DOK5: variants seen among roughly 807,000 people sequenced by gnomAD.
The protein encoded by DOK5 is docking protein 5.
A neutral mutation model predicts 43.3 loss-of-function variants in DOK5; 27 were observed. The observed-to-expected ratio is 0.62, with a 90% confidence interval of 0.46 to 0.86. The LOEUF is 0.86. Ranked by LOEUF, DOK5 falls within the 40% of genes least tolerant of loss-of-function variation. DOK5 has a pLI of 0.00. For synonymous variants in DOK5, 146 were observed against 140.1 expected, an observed-to-expected ratio of 1.04 and a Z score of -0.30; for missense variants, 373 against 392.9, an observed-to-expected ratio of 0.95 and a Z score of 0.43.
At chr20:54,633,248 T>C (rs1480733334) in intron 6 of DOK5, among the ~76,000 whole-genome samples, 1 of 152,256 alleles carries the variant, frequency 6.6e-6, no homozygotes, top group Non-Finnish European at 1.5e-5. Context: ...AGGGAGATCA[T>C]GTTTTCAAAT....
In DOK5 at chr20:54,650,835, G is replaced by A. The variant is rs1362486793; in HGVS notation, c.*356G>A. On this transcript the variant is annotated 3_prime_UTR_variant, in exon 8 of 8. Transcript: ENST00000262593. Reference sequence around the variant, plus strand: ...GATTCTTGTGATTTTCCTTCCAAGTGTTTCAGTTGTATGACAGTCAGTATT... The same window carrying A: ...GATTCTTGTGATTTTCCTTCCAAGTATTTCAGTTGTATGACAGTCAGTATT... The A allele has an allele frequency of 1.7e-5, 3 of 179,796 alleles. No homozygotes were observed. In the Admixed American group the frequency reaches 1.8e-4, roughly 11 times the overall value. The allele number at this position is 179,796 out of a possible 1,614,324, so 11.1% of individuals were successfully genotyped here. A position where few individuals can be genotyped will look rare whatever the true frequency, so the allele number is the denominator to read the frequency against.
At chr20:54,476,070 C>T (rs1218034607) in intron 1 of DOK5, 58 bp downstream of exon 1, 16 of 1,602,548 alleles carry the variant, frequency 1.0e-5, no homozygotes, top group African/African-American at 1.3e-5. Flanking sequence ...CTCTCTTGAG[C>T]CAGCATCCCT....
intron 2 of DOK5, among the ~76,000 whole-genome samples, chr20:54,571,633 AG>A (rs1209110427): frequency 6.8e-6 from 1 of 145,992 alleles, no homozygotes; most frequent in African/African-American, 2.5e-5. Flanking sequence ...TCTCTGGGGA[AG>A]GGGGGTGGGC....
intron 1 of DOK5, among the ~76,000 whole-genome samples, chr20:54,505,873 C>T (rs1342930003): frequency 1.3e-5 from 2 of 152,100 alleles, no homozygotes; most frequent in South Asian, 2.1e-4. Flanking sequence ...ACTCAAAGCC[C>T]GCTGGGTGGT....
intron 1 of DOK5, among the ~76,000 whole-genome samples, chr20:54,485,216 G>A (rs1391012318): frequency 1.3e-5 from 2 of 152,122 alleles, no homozygotes; most frequent in Non-Finnish European, 2.9e-5. Flanking sequence ...TCAGGAGGCT[G>A]AGGCAGGAGA....
intron 6 of DOK5, among the ~76,000 whole-genome samples, chr20:54,616,297 C>T (rs1014966358): frequency 2.6e-5 from 4 of 152,188 alleles, no homozygotes; most frequent in African/African-American, 9.7e-5. Flanking sequence ...AATCAAGCCC[C>T]TAGACACGTT....
chr20:54,507,774 T>C (rs754638721), intron 1 of DOK5, among the ~76,000 whole-genome samples: 1 of 152,074 alleles, frequency 6.6e-6, no homozygotes, highest in Non-Finnish European at 1.5e-5. Context: ...TTATGATAAT[T>C]AAAAGCAGAT....
At chr20:54,484,615 A>C (rs983544991) in intron 1 of DOK5, among the ~76,000 whole-genome samples, 10 of 152,178 alleles carry the variant, frequency 6.6e-5, no homozygotes, top group African/African-American at 2.4e-4. Context: ...GATCCTTCAC[A>C]GTCTTCTTAT....
chr20:54,614,633 G>A (rs1160418106), intron 6 of DOK5, among the ~76,000 whole-genome samples: 2 of 152,128 alleles, frequency 1.3e-5, no homozygotes, highest in African/African-American at 4.8e-5. Context: ...AAATCGTTTG[G>A]ATTATCCCTT....
At position 54,647,722 on chromosome 20, in the gene DOK5, T is replaced by C. The variant is rs556053744; in HGVS notation, c.857-2693T>C. Among the ~76,000 whole-genome samples the C allele has an allele frequency of 2.6e-5, 4 of 152,198 alleles. No individual in the cohort carries two copies. The East Asian group carries it at 5.8e-4, about 22-fold the overall frequency. ...AAAGGTTACTGTGGTCAAACGCGTC[T>C]GGGGGAAATGCTACATGTTAAGTTC... On this transcript the variant is annotated intron_variant, in intron 7 of 7. Transcript: ENST00000262593.
intron 2 of DOK5, among the ~76,000 whole-genome samples, chr20:54,570,907 T>A (rs1351421605): frequency 6.6e-6 from 1 of 152,220 alleles, no homozygotes; most frequent in African/African-American, 2.4e-5. Context: ...CAAAACTATA[T>A]CGGTAGCAAA....
chr20:54,612,989 A>G (rs1262070885), intron 6 of DOK5, among the ~76,000 whole-genome samples: 3 of 152,220 alleles, frequency 2.0e-5, no homozygotes, highest in Non-Finnish European at 4.4e-5. Context: ...AGATATGCTC[A>G]TAACATGTTC....
At chr20:54,612,339 G>A (rs1013446929) in intron 6 of DOK5, among the ~76,000 whole-genome samples, 1 of 152,164 alleles carries the variant, frequency 6.6e-6, no homozygotes, top group African/African-American at 2.4e-5. Context: ...CAGAGGTGGT[G>A]GACGTGGGCA....
intron 5 of DOK5, among the ~76,000 whole-genome samples, chr20:54,597,956 C>T (rs1000146225): frequency 2.0e-5 from 3 of 151,808 alleles, no homozygotes; most frequent in Non-Finnish European, 4.4e-5. Context: ...AAGCCACAGA[C>T]TTGCAAAGAT....
chr20:54,636,367 C>T (rs550900277), intron 6 of DOK5, among the ~76,000 whole-genome samples: 3 of 152,172 alleles, frequency 2.0e-5, no homozygotes, highest in Non-Finnish European at 2.9e-5. Context: ...TAAAAATGAC[C>T]GGACATTATA....
chr20:54,593,643 A>G (rs1986046989), intron 5 of DOK5, among the ~76,000 whole-genome samples: 1 of 152,190 alleles, frequency 6.6e-6, no homozygotes, highest in Non-Finnish European at 1.5e-5. Context: ...GCTGGGAAAC[A>G]CAGGGAGACC....
intron 1 of DOK5, among the ~76,000 whole-genome samples, chr20:54,511,726 T>C (rs973775313): frequency 6.6e-6 from 1 of 152,210 alleles, no homozygotes; most frequent in Non-Finnish European, 1.5e-5. Flanking sequence ...GTCAGTGACA[T>C]TGATGGGACC....
intron 1 of DOK5, among the ~76,000 whole-genome samples, chr20:54,496,783 A>G (rs1299212350): frequency 2.0e-5 from 3 of 151,488 alleles, no homozygotes; most frequent in East Asian, 1.9e-4. Context: ...AAAAAAAAAA[A>G]AAAGAAAAAA....
intron 1 of DOK5, among the ~76,000 whole-genome samples, chr20:54,497,767 A>C (rs924116570): frequency 6.6e-6 from 1 of 152,184 alleles, no homozygotes; most frequent in Non-Finnish European, 1.5e-5. Context: ...AAGTGGGTGG[A>C]AGTGAGTTGA....
Sources: gnomAD v4.1 joint callset for allele counts (sites outside exome capture counted in the v4.1 genomes callset) on GRCh38, gnomAD v4.1.1 for gene constraint, MANE v1.5 for transcripts, NCBI Gene and HGNC (gene_info 2026-07-23, HGNC 2026-07-21) for gene names.